ZC3H13: variants seen among roughly 807,000 people sequenced by gnomAD.
ZC3H13 encodes zinc finger CCCH-type containing 13.
In ZC3H13, 64 loss-of-function variants were observed where a neutral mutation model predicts 204.1. The ratio of observed to expected loss-of-function variants is 0.31; its 90% confidence interval spans 0.26 to 0.39. The LOEUF (loss-of-function observed/expected upper bound fraction) is 0.39. Among genes scored for constraint, ZC3H13 ranks in the 10% least tolerant of loss-of-function variants. ZC3H13 has a pLI of 1.00. For missense variants in ZC3H13, 1,833 were observed against 2,082.7 expected (o/e 0.88, Z 2.33); for synonymous variants, 667 against 693.7 (o/e 0.96, Z 0.60).
chr13:46,004,186 T>C (rs535286460), intron 7 of ZC3H13, among the ~76,000 whole-genome samples: 13 of 152,200 alleles, frequency 8.5e-5, no homozygotes, highest in Admixed American at 3.3e-4. Flanking sequence ...GGATATCCTA[T>C]TACAATATTT....
chr13:45,999,239 T>C (rs1443196281), intron 8 of ZC3H13, among the ~76,000 whole-genome samples: 2 of 152,018 alleles, frequency 1.3e-5, no homozygotes, highest in Non-Finnish European at 2.9e-5. Context: ...CGAGACACAG[T>C]GAGCTGAGAT....
chr13:46,037,011 A>G (rs1345429754), intron 4 of ZC3H13, among the ~76,000 whole-genome samples: 1 of 152,072 alleles, frequency 6.6e-6, no homozygotes, highest in Non-Finnish European at 1.5e-5. Context: ...GAGCCACCAC[A>G]CTCAGCTATC....
In ZC3H13 at chr13:45,967,850, T is replaced by C; in HGVS notation, c.3975A>G (p.Arg1325=). Residue 1325 remains arginine (R), a synonymous_variant, in exon 15 of 19, where the codon CGA becomes CGG. Coordinates refer to ENST00000679008, the MANE Select transcript of ZC3H13 (RefSeq NM_001330564.2). ...TGCGTGGCCAATCTTTATCAGCATC[T>C]CGGTCCCATTCTCTCTGCCTCGTAT... ...RRDTRQREWD[R]DADKDWPRNR... 1 of 1,614,024 alleles carries C rather than the reference T, an allele frequency of 6.2e-7. No homozygotes were observed. Among genetic ancestry groups the C allele is most frequent in the Non-Finnish European group, 8.5e-7 (1 of 1,179,996 alleles).
chr13:46,042,081 T>C, intron 4 of ZC3H13, 83 bp downstream of exon 4: 1 of 1,072,834 alleles, frequency 9.3e-7, no homozygotes, highest in South Asian at 1.3e-5. Context: ...TTACCATATA[T>C]TTAGCACACA....
intron 11 of ZC3H13, among the ~76,000 whole-genome samples, chr13:45,976,477 A>G (rs956741867): frequency 3.9e-5 from 6 of 152,236 alleles, no homozygotes; most frequent in African/African-American, 1.2e-4. Context: ...CATATTAGTG[A>G]TATATATTTG....
intron 4 of ZC3H13, among the ~76,000 whole-genome samples, chr13:46,039,231 A>T (rs910773237): frequency 3.9e-5 from 6 of 152,186 alleles, no homozygotes; most frequent in African/African-American, 1.4e-4. Flanking sequence ...CAAAATGCCA[A>T]CTTTACTGTA....
At chr13:45,997,949 A>T (rs1486922510) in intron 8 of ZC3H13, among the ~76,000 whole-genome samples, 1 of 152,208 alleles carries the variant, frequency 6.6e-6, no homozygotes, top group African/African-American at 2.4e-5. Context: ...AACTTTTGGA[A>T]ACACTTTTGC....
rs185159275 is a variant in ZC3H13 at position 46,047,367 on chromosome 13, T to C, written c.-9-1851A>G. Among the ~76,000 whole-genome samples the C allele has an allele frequency of 6.6e-4, 100 of 152,328 alleles. 1 individual carries two copies. The highest frequency in any genetic ancestry group is 2.3e-3 in the African/African-American group (96 of 41,588). ...AAACAGAATTACTTCACAGTAATTA[T>C]AAATTTAAGAACCAGTGGAGAGCAT... is the stretch of plus-strand genomic sequence containing the variant. On this transcript the variant is annotated intron_variant, in intron 1 of 18. Coordinates refer to ENST00000679008, the MANE Select transcript of ZC3H13 (RefSeq NM_001330564.2).
intron 18 of ZC3H13, among the ~76,000 whole-genome samples, chr13:45,959,177 T>A (rs1951500260): frequency 6.8e-6 from 1 of 147,578 alleles, no homozygotes; most frequent in South Asian, 2.4e-4. Flanking sequence ...CTCTAAGAAA[T>A]TTTTTTCCTT....
At chr13:46,022,387 C>T (rs1047240185) in intron 4 of ZC3H13, among the ~76,000 whole-genome samples, 1 of 151,802 alleles carries the variant, frequency 6.6e-6, no homozygotes, top group Non-Finnish European at 1.5e-5. Flanking sequence ...TCCTAATTTC[C>T]CCCACTTCAA....
intron 1 of ZC3H13, among the ~76,000 whole-genome samples, chr13:46,052,183 G>C (rs1467600739): frequency 2.0e-5 from 3 of 152,042 alleles, no homozygotes; most frequent in Non-Finnish European, 4.4e-5. Context: ...CCTATTGTCT[G>C]AGTCTACTTA....
At chr13:45,982,044 TAAAC>T (rs1396921052) in intron 10 of ZC3H13, among the ~76,000 whole-genome samples, 15 of 148,652 alleles carry the variant, frequency 1.0e-4, no homozygotes, top group African/African-American at 1.7e-4. Context: ...AATAAATAAA[TAAAC>T]AAATAAATAA....
At chr13:45,987,959 T>C (rs2039669524) in intron 9 of ZC3H13, among the ~76,000 whole-genome samples, 1 of 152,190 alleles carries the variant, frequency 6.6e-6, no homozygotes, top group South Asian at 2.1e-4. Context: ...CAAAGTTAAC[T>C]TAATTCTCAG....
chr13:46,051,315 C>A (rs2044395876), intron 1 of ZC3H13, among the ~76,000 whole-genome samples: 5 of 152,154 alleles, frequency 3.3e-5, no homozygotes, highest in Admixed American at 3.3e-4. Context: ...CTGAATCCTA[C>A]CAGATGCACA....
intron 5 of ZC3H13, among the ~76,000 whole-genome samples, chr13:46,017,069 T>C (rs551208347): frequency 3.3e-5 from 5 of 152,194 alleles, no homozygotes; most frequent in East Asian, 1.9e-4. Flanking sequence ...AGTTGGTCAA[T>C]GCTAAATTGA....
At position 45,988,771 on chromosome 13, in the gene ZC3H13, A is replaced by G; in HGVS notation, c.1255+16T>C. Reference sequence around the variant, plus strand: ...GTTCAATTTTTCAATTAAAAAAATCAAAGTACAGTACACACCTTCCCTCCT... The same window carrying G: ...GTTCAATTTTTCAATTAAAAAAATCGAAGTACAGTACACACCTTCCCTCCT... On this transcript the variant is annotated intron_variant, in intron 9 of 18. Coordinates refer to ENST00000679008, the MANE Select transcript of ZC3H13 (RefSeq NM_001330564.2). The G allele has an allele frequency of 6.3e-7, 1 of 1,577,320 alleles. No individual in the cohort carries two copies. The highest frequency in any genetic ancestry group is 8.6e-7 in the Non-Finnish European group (1 of 1,160,394).
At chr13:45,977,846 C>A (rs1485809531) in intron 11 of ZC3H13, among the ~76,000 whole-genome samples, 1 of 152,022 alleles carries the variant, frequency 6.6e-6, no homozygotes, top group Non-Finnish European at 1.5e-5. Flanking sequence ...ATCTTGTAGG[C>A]AGTGAAAGGC....
Position 45,956,806 on chromosome 13 carries a change from CA to C in ZC3H13, c.*320del, listed in dbSNP as rs1415352593. 5.8e-6 allele frequency: 1 copy of C among 173,060 alleles called. No homozygotes were observed. Among genetic ancestry groups the C allele is most frequent in the Non-Finnish European group, 1.2e-5 (1 of 81,912 alleles). The allele number at this position is 173,060 out of a possible 1,614,324, so 10.7% of individuals were successfully genotyped here. A position where few individuals can be genotyped will look rare whatever the true frequency, so the allele number is the denominator to read the frequency against. On this transcript the variant is annotated 3_prime_UTR_variant, in exon 19 of 19. Coordinates refer to ENST00000679008, the MANE Select transcript of ZC3H13 (RefSeq NM_001330564.2). ...GACATAAATCCATGGTTCCATTTCA[CA>C]AAAATATTCATAGGCTGGAAGAGCA...
At chr13:46,048,580 C>CAAA (rs56753264) in intron 1 of ZC3H13, among the ~76,000 whole-genome samples, 1,185 of 37,524 alleles carry the variant, frequency 0.032, 83 homozygotes, top group East Asian at 0.048. Context: ...GACTCCGCCT[C>CAAA]AAAAAAAAAA....
Sources: allele counts gnomAD v4.1 joint callset (sites outside exome capture counted in the v4.1 genomes callset), GRCh38; gene constraint gnomAD v4.1.1; transcripts MANE v1.5; gene names NCBI Gene and HGNC (gene_info 2026-07-23, HGNC 2026-07-21).